Variants in TNFSF8 observed in about 807,000 individuals in gnomAD.
TNFSF8 encodes the protein TNF superfamily member 8.
TNFSF8 carries 4 observed loss-of-function variants against 22.0 expected under a neutral mutation model. That is an observed-to-expected ratio of 0.18 (90% CI 0.09 to 0.42). The LOEUF is 0.42. Among genes scored for constraint, TNFSF8 ranks in the 10% least tolerant of loss-of-function variants. The pLI, the probability that TNFSF8 is intolerant of heterozygous loss-of-function variation, is 1.00. For synonymous variants in TNFSF8, 106 were observed against 112.5 expected (o/e 0.94, Z 0.37); for missense variants, 233 against 281.8 (o/e 0.83, Z 1.24).
At chr9:114,929,977 T>TATAGAG (rs146785310) in intron 1 of TNFSF8, 132 bp downstream of exon 1, 100 of 324,338 alleles carry the variant, frequency 3.1e-4, no homozygotes, top group South Asian at 1.0e-3. Context: ...TATATATATA[T>TATAGAG]AGAGAGAGAG....
chr9:114,919,307 A>G (rs946147730), intron 1 of TNFSF8, among the ~76,000 whole-genome samples: 9 of 152,146 alleles, frequency 5.9e-5, no homozygotes, highest in Non-Finnish European at 1.3e-4. Context: ...TAATAAATAT[A>G]TACATAAATA....
At chr9:114,895,494 A>G (rs1433746355) in intron 4 of TNFSF8, among the ~76,000 whole-genome samples, 1 of 152,202 alleles carries the variant, frequency 6.6e-6, no homozygotes, top group African/African-American at 2.4e-5. Context: ...CTGAATGCAG[A>G]TGGGAATAGG....
chr9:114,914,609 C>G (rs961433311), intron 2 of TNFSF8, among the ~76,000 whole-genome samples: 3 of 152,192 alleles, frequency 2.0e-5, no homozygotes, highest in Non-Finnish European at 4.4e-5. Context: ...CAGAGTGGAT[C>G]CTATGCCCAA....
intron 2 of TNFSF8, among the ~76,000 whole-genome samples, chr9:114,916,780 A>C (rs1827924440): frequency 1.3e-5 from 2 of 152,212 alleles, no homozygotes; most frequent in Non-Finnish European, 2.9e-5. Flanking sequence ...TCAGCACTAC[A>C]ACAGCAGAGC....
At position 114,930,339 on chromosome 9, in the gene TNFSF8, C is replaced by A; in HGVS notation, c.-36G>T. 7.1e-7 allele frequency: 1 copy of A among 1,412,478 alleles called. No homozygotes were observed. The highest frequency in any genetic ancestry group is 9.4e-7 in the Non-Finnish European group (1 of 1,067,056). 87.5% of individuals were successfully genotyped at this position (1,412,478 alleles called of 1,614,324 possible). A position where few individuals can be genotyped will look rare whatever the true frequency, so the allele number is the denominator to read the frequency against. On this transcript the variant is annotated 5_prime_UTR_variant, in exon 1 of 4. Transcript: ENST00000223795. ...GTCTTCCCCACATCACACCTTATCT[C>A]TCTTCATCTGATTCAGTTCTGGGCC...
chr9:114,924,921 C>T (rs1338963756), intron 1 of TNFSF8, among the ~76,000 whole-genome samples: 1 of 152,178 alleles, frequency 6.6e-6, no homozygotes, highest in East Asian at 1.9e-4. Context: ...GGAAGATTTA[C>T]AGTGGATTTT....
rs762129260 is a variant in TNFSF8 at position 114,930,312 on chromosome 9, T to C, written c.-9A>G. On this transcript the variant is annotated 5_prime_UTR_variant, in exon 1 of 4. Transcript: ENST00000223795. ...TGCAGCCCTGGGTCCATTCTTTATA[T>C]AGTCTTCCCCACATCACACCTTATC... 2.0e-6 allele frequency: 3 copies of C among 1,529,910 alleles called. No individual in the cohort carries two copies. Among genetic ancestry groups the C allele is most frequent in the Non-Finnish European group, 2.6e-6 (3 of 1,136,576 alleles). 94.8% of individuals were successfully genotyped at this position (1,529,910 alleles called of 1,614,324 possible).
At chr9:114,923,053 A>C (rs1348529998) in intron 1 of TNFSF8, among the ~76,000 whole-genome samples, 1 of 151,988 alleles carries the variant, frequency 6.6e-6, no homozygotes, top group Non-Finnish European at 1.5e-5. Flanking sequence ...GGGCTTAGGA[A>C]ATCTTTCTAG....
chr9:114,918,029 G>T, intron 2 of TNFSF8, 67 bp downstream of exon 2: 2 of 1,488,898 alleles, frequency 1.3e-6, no homozygotes, highest in Non-Finnish European at 1.8e-6. Context: ...TGATAATCAG[G>T]TTTCACACTT....
In TNFSF8 at chr9:114,902,059, T is replaced by C; in HGVS notation, c.*1872A>G. The C allele has an allele frequency of 4.1e-6, 4 of 985,450 alleles. No individual in the cohort carries two copies. The highest frequency in any genetic ancestry group is 4.8e-6 in the Non-Finnish European group (4 of 829,942). The allele number at this position is 985,450 out of a possible 1,614,324, so 61.0% of individuals were successfully genotyped here. A position where few individuals can be genotyped will look rare whatever the true frequency, so the allele number is the denominator to read the frequency against. ...TATAGCAGGGAAGCTTCCATCTTTT[T>C]TTACTGAAGCATAACATCAGGGCCT... On this transcript the variant is annotated 3_prime_UTR_variant, in exon 4 of 4. Transcript: ENST00000223795.
At chr9:114,917,976 T>C in intron 2 of TNFSF8, 120 bp downstream of exon 2, 1 of 980,788 alleles carries the variant, frequency 1.0e-6, no homozygotes, top group Non-Finnish European at 1.5e-6. Flanking sequence ...CCTCCACCCC[T>C]ACCCACTTTA....
chr9:114,920,941 T>C (rs572730010), intron 1 of TNFSF8, among the ~76,000 whole-genome samples: 1 of 152,268 alleles, frequency 6.6e-6, no homozygotes, highest in African/African-American at 2.4e-5. Context: ...AGTGCTGGGA[T>C]TACAAGCGTG....
At chr9:114,913,060 C>T (rs1827871742) in intron 2 of TNFSF8, among the ~76,000 whole-genome samples, 1 of 152,156 alleles carries the variant, frequency 6.6e-6, no homozygotes, top group South Asian at 2.1e-4. Context: ...TTTTAGAAAA[C>T]AGGAAACCCA....
At chr9:114,916,990 GATT>G (rs1234554814) in intron 2 of TNFSF8, among the ~76,000 whole-genome samples, 1 of 152,216 alleles carries the variant, frequency 6.6e-6, no homozygotes, top group African/African-American at 2.4e-5. Flanking sequence ...ACAAGGCTAT[GATT>G]ATTAGTCTGC....
chr9:114,903,827 G>A lies in TNFSF8; in HGVS notation c.*104C>T, dbSNP rs752441353. 8.7e-5 allele frequency: 131 copies of A among 1,510,120 alleles called. No individual in the cohort carries two copies. Among genetic ancestry groups the A allele is most frequent in the Non-Finnish European group, 1.1e-4 (125 of 1,136,944 alleles). 93.5% of individuals were successfully genotyped at this position (1,510,120 alleles called of 1,614,324 possible). On this transcript the variant is annotated 3_prime_UTR_variant, in exon 4 of 4. Transcript: ENST00000223795. ...AGAAGTATACTATTTAATACCCTGT[G>A]TAGTTTGTCTTGGTCTAAAGTTTTC...
intron 3 of TNFSF8, among the ~76,000 whole-genome samples, chr9:114,904,905 C>A (rs1827766118): frequency 6.6e-6 from 1 of 152,164 alleles, no homozygotes; most frequent in African/African-American, 2.4e-5. Flanking sequence ...GGTTCATTGT[C>A]TGAATTTTTG....
At chr9:114,920,618 C>T (rs1164354552) in intron 1 of TNFSF8, among the ~76,000 whole-genome samples, 1 of 152,156 alleles carries the variant, frequency 6.6e-6, no homozygotes. Flanking sequence ...ACCTGGGAGT[C>T]TCGTTAAAAT....
At chr9:114,922,073 T>A (rs1167086625) in intron 1 of TNFSF8, among the ~76,000 whole-genome samples, 2 of 94,114 alleles carry the variant, frequency 2.1e-5, no homozygotes, top group Non-Finnish European at 5.3e-5. Flanking sequence ...ATCTTTCCAC[T>A]GGGTTATTGT....
At chr9:114,922,071 AC>A (rs1421162096) in intron 1 of TNFSF8, among the ~76,000 whole-genome samples, 4 of 143,576 alleles carry the variant, frequency 2.8e-5, no homozygotes, top group South Asian at 2.3e-4. Context: ...CCATCTTTCC[AC>A]TGGGTTATTG....
Sources: gnomAD v4.1 joint callset for allele counts (sites outside exome capture counted in the v4.1 genomes callset) on GRCh38, gnomAD v4.1.1 for gene constraint, MANE v1.5 for transcripts, NCBI Gene and HGNC (gene_info 2026-07-23, HGNC 2026-07-21) for gene names.